The following CEP76 variants were observed in gnomAD, a reference collection of about 807,000 sequenced individuals.
CEP76 encodes the protein centrosomal protein 76.
Under a neutral mutation model 83.3 loss-of-function variants are expected in CEP76, and 55 were observed. That is an observed-to-expected ratio of 0.66 (90% CI 0.53 to 0.83). The LOEUF (loss-of-function observed/expected upper bound fraction) is 0.83, where lower values mean the gene tolerates loss of function less well. Among genes scored for constraint, CEP76 ranks in the 40% least tolerant of loss-of-function variants. The pLI is 0.00. For synonymous variants in CEP76, 270 were observed against 274.5 expected (o/e 0.98, Z 0.16); for missense variants, 694 against 799.5 (o/e 0.87, Z 1.59).
chr18:12,668,707 G>T, downstream of CEP76, among the ~76,000 whole-genome samples: 1 of 132,684 alleles, frequency 7.5e-6, no homozygotes, highest in East Asian at 2.3e-4. Context: ...ACTATGTGTT[G>T]TCTACCTAGC....
chr18:12,666,720 AT>A (rs780093764), intron 12 of CEP76, among the ~76,000 whole-genome samples: 16 of 151,610 alleles, frequency 1.1e-4, no homozygotes, highest in East Asian at 7.7e-4. Flanking sequence ...AAGGGGTGGA[AT>A]TACAGGCTTC....
intron 9 of CEP76, among the ~76,000 whole-genome samples, chr18:12,678,733 A>T (rs961557835): frequency 7.9e-5 from 12 of 152,058 alleles, no homozygotes; most frequent in African/African-American, 2.9e-4. Context: ...AGGCAGGGGG[A>T]TCACCTGAGG....
chr18:12,673,425 G>C lies in CEP76; in HGVS notation c.1920C>G (p.Tyr640Ter). Residue 640 changes from tyrosine (Y) to a stop codon, truncating the protein, a stop_gained, in exon 12 of 12, where the codon TAC (tyrosine) becomes TAG (stop). Coordinates refer to ENST00000262127, the MANE Select transcript of CEP76 (RefSeq NM_024899.4). LOFTEE classifies it high-confidence loss of function. ...TCCAAACAGCACATGCAGATTCAGG[G>C]TAAGTAAATACTCGGACACGAACTG... ...RLAVRVRVFT[Y>*]PESACAVWIM... 6.2e-7 allele frequency: 1 copy of C among 1,605,292 alleles called. No homozygotes were observed. Among genetic ancestry groups the C allele is most frequent in the Non-Finnish European group, 8.5e-7 (1 of 1,177,202 alleles).
Position 12,678,397 on chromosome 18 carries a change from T to G in CEP76, c.1335A>C (p.Glu445Asp), listed in dbSNP as rs199846298. 3.8e-5 allele frequency: 61 copies of G among 1,613,850 alleles called. No individual in the cohort carries two copies. In the East Asian group the frequency reaches 1.2e-3, roughly 32 times the overall value. ...PTNPDEPPVA[E>D]QPKPLYPYRT... ...GATATGGGTACAGTGGTTTGGGCTG[T>G]TCAGCAACTGGAGGTTCATCAGGAT... Residue 445 changes from glutamate to aspartate, a missense_variant, in exon 10 of 12, where the codon GAA becomes GAC. Transcript: ENST00000262127.
downstream of CEP76, among the ~76,000 whole-genome samples, chr18:12,669,604 T>C (rs1467195875): frequency 6.6e-6 from 1 of 152,200 alleles, no homozygotes; most frequent in Non-Finnish European, 1.5e-5. Context: ...ATACATATTG[T>C]CAAGAACACC....
chr18:12,686,285 G>A lies in CEP76; in HGVS notation c.1099C>T (p.Leu367=). The change falls in exon 8 of 12, where the codon CTG becomes TTG. Residue 367 remains leucine (L), a synonymous_variant. Coordinates refer to ENST00000262127, the MANE Select transcript of CEP76 (RefSeq NM_024899.4). ...ACCTTGTTTCTACAGAGAAAGGCCA[G>A]CAGAGTGCACCACTGCTCCTGTTTA... The part of the protein sequence containing the change: ...GGKQEQWCTL[L]AFLCRNKGDC... 9 of 1,613,850 alleles carry A rather than the reference G, an allele frequency of 5.6e-6. No homozygotes were observed. The highest frequency in any genetic ancestry group is 1.7e-5 in the Admixed American group (1 of 59,980).
downstream of CEP76, among the ~76,000 whole-genome samples, chr18:12,671,917 TTCAAG>T (rs1376628487): frequency 1.3e-5 from 2 of 152,034 alleles, no homozygotes; most frequent in Non-Finnish European, 1.5e-5. Context: ...GCCTCCCAGG[TTCAAG>T]CGATTCTCCT....
intron 12 of CEP76, among the ~76,000 whole-genome samples, chr18:12,666,436 G>GTTTTT (rs557490556): frequency 7.9e-5 from 10 of 126,610 alleles, no homozygotes; most frequent in South Asian, 2.6e-4. Context: ...AAATTTTATG[G>GTTTTT]TTTTTTTTTT....
intron 1 of CEP76, among the ~76,000 whole-genome samples, chr18:12,701,987 C>A (rs962276085): frequency 6.6e-6 from 1 of 152,084 alleles, no homozygotes; most frequent in Non-Finnish European, 1.5e-5. Context: ...ATTAGCCGAG[C>A]GTGGTGGCGC....
intron 9 of CEP76, among the ~76,000 whole-genome samples, chr18:12,680,103 C>G (rs567401239): frequency 6.6e-6 from 1 of 150,616 alleles, no homozygotes; most frequent in Admixed American, 6.6e-5. Flanking sequence ...TCATACAAAA[C>G]TAGTAAACAT....
At chr18:12,668,986 T>C (rs28832066), downstream of CEP76, among the ~76,000 whole-genome samples, 34,382 of 111,812 alleles carry the variant, frequency 0.31, 6,230 homozygotes, top group Non-Finnish European at 0.36. Flanking sequence ...GTGATCTGCC[T>C]GCCTCAGCCT....
At chr18:12,702,143 A>G (rs1164496297) in intron 1 of CEP76, among the ~76,000 whole-genome samples, 7 of 152,150 alleles carry the variant, frequency 4.6e-5, no homozygotes, top group African/African-American at 7.2e-5. Context: ...AAAAAACCTG[A>G]TATCTTACAG....
At chr18:12,681,525 C>T (rs2039349484) in intron 8 of CEP76, among the ~76,000 whole-genome samples, 1 of 152,064 alleles carries the variant, frequency 6.6e-6, no homozygotes, top group South Asian at 2.1e-4. Flanking sequence ...GTTGGGATTA[C>T]AGGCATGAGC....
chr18:12,663,558 C>T (rs1831509945), intron 12 of CEP76: 1 of 152,106 alleles, frequency 6.6e-6, no homozygotes, highest in South Asian at 2.1e-4. Flanking sequence ...CAGATGTGAG[C>T]CACCACAACC....
chr18:12,680,532 G>C lies in CEP76; in HGVS notation c.1289+130C>G, dbSNP rs1443914054. On this transcript the variant is annotated intron_variant, in intron 9 of 11. Coordinates refer to ENST00000262127, the MANE Select transcript of CEP76 (RefSeq NM_024899.4). Reference sequence around the variant, plus strand: ...AATCGGCTTGAACCTGGGAGGTGGAGGTTGCAGTGAGCTGAGATTGTGCCA... The same window carrying C: ...AATCGGCTTGAACCTGGGAGGTGGACGTTGCAGTGAGCTGAGATTGTGCCA... The C allele has an allele frequency of 8.9e-6, 5 of 560,838 alleles. No homozygotes were observed. The African/African-American group carries it at 1.0e-4, about 11-fold the overall frequency. 34.7% of individuals were successfully genotyped at this position (560,838 alleles called of 1,614,324 possible). A position where few individuals can be genotyped will look rare whatever the true frequency, so the allele number is the denominator to read the frequency against.
intron 5 of CEP76, among the ~76,000 whole-genome samples, chr18:12,695,886 T>A (rs937657790): frequency 3.4e-3 from 435 of 126,306 alleles, no homozygotes; most frequent in African/African-American, 0.012. Flanking sequence ...ACACACACAC[T>A]AAAAATTAGA....
In CEP76 at chr18:12,702,681, G is replaced by A; in HGVS notation, c.-133C>T. ...CAGCCGTTCGCCTAGCGCAGCTCCCGGGGGACGCAACGCCGCGTCAGGCCG... is the reference window on the plus strand; with the variant it reads ...CAGCCGTTCGCCTAGCGCAGCTCCCAGGGGACGCAACGCCGCGTCAGGCCG... On this transcript the variant is annotated 5_prime_UTR_variant, in exon 1 of 12. Transcript: ENST00000262127. 2.0e-6 allele frequency: 2 copies of A among 1,010,408 alleles called. No homozygotes were observed. The highest frequency in any genetic ancestry group is 2.8e-6 in the Non-Finnish European group (2 of 720,146). 62.6% of individuals were successfully genotyped at this position (1,010,408 alleles called of 1,614,324 possible). A position where few individuals can be genotyped will look rare whatever the true frequency, so the allele number is the denominator to read the frequency against.
intron 5 of CEP76, among the ~76,000 whole-genome samples, chr18:12,696,922 T>C (rs1568031440): frequency 6.6e-6 from 1 of 151,930 alleles, no homozygotes; most frequent in Non-Finnish European, 1.5e-5. Flanking sequence ...ATTAATTTTC[T>C]TTATAGCCTT....
rs1311404451 is a variant in CEP76, at chr18:12,678,330, T to A, written c.1402A>T (p.Asn468Tyr). ...TCTACTGCATCAGAGGGTTGACAATTTCCCAGGAACATCTGATGGTTGAAA... is the reference window on the plus strand; with the variant it reads ...TCTACTGCATCAGAGGGTTGACAATATCCCAGGAACATCTGATGGTTGAAA... ...CVFNHQMFLG[N>Y]CQPSDAVETC... Residue 468 changes from asparagine to tyrosine, a missense_variant, in exon 10 of 12, where the codon AAT (asparagine) becomes TAT (tyrosine). Coordinates refer to ENST00000262127, the MANE Select transcript of CEP76 (RefSeq NM_024899.4). 3 of 1,614,174 alleles carry A rather than the reference T, an allele frequency of 1.9e-6. No homozygotes were observed. Among genetic ancestry groups the A allele is most frequent in the Non-Finnish European group, 2.5e-6 (3 of 1,180,028 alleles).
Sources: allele counts gnomAD v4.1 joint callset (sites outside exome capture counted in the v4.1 genomes callset), GRCh38; gene constraint gnomAD v4.1.1; transcripts MANE v1.5; gene names NCBI Gene and HGNC (gene_info 2026-07-23, HGNC 2026-07-21).